LRP6: variants seen among roughly 807,000 people sequenced by gnomAD.
LRP6 encodes the protein LDL receptor related protein 6.
A neutral mutation model predicts 184.1 loss-of-function variants in LRP6; 43 were observed. That is an observed-to-expected ratio of 0.23 (90% CI 0.18 to 0.30). LRP6 has a LOEUF of 0.30. Ranked by LOEUF, LRP6 falls within the 10% of genes least tolerant of loss-of-function variation. The pLI, the probability that LRP6 is intolerant of heterozygous loss-of-function variation, is 1.00. For synonymous variants in LRP6, 719 were observed against 684.9 expected (o/e 1.05, Z -0.78); for missense variants, 1,571 against 2,005.3 (o/e 0.78, Z 4.14).
rs371926922 is a variant in LRP6 at position 12,171,341 on chromosome 12, T to C, written c.1546-6046A>G. 1.1e-3 allele frequency among the ~76,000 whole-genome samples: 170 copies of C among 151,902 alleles called. 1 individual carries two copies. The highest frequency in any genetic ancestry group is 3.9e-3 in the Admixed American group (59 of 15,230). On this transcript the variant is annotated intron_variant, in intron 7 of 22. Transcript: ENST00000261349. Reference sequence around the variant, plus strand: ...ACCATCCTGGCTAACATGGTGAAACTCCATCTCTACTAAAAACACACACAC... The same window carrying C: ...ACCATCCTGGCTAACATGGTGAAACCCCATCTCTACTAAAAACACACACAC...
chr12:12,266,201 A>C (rs537843626), intron 1 of LRP6, among the ~76,000 whole-genome samples: 22 of 152,298 alleles, frequency 1.4e-4, no homozygotes, highest in South Asian at 6.2e-4. Context: ...CAAGGCCTGG[A>C]AAAAATAGCA....
Position 12,121,387 on chromosome 12 carries a change from G to A in LRP6, c.4581C>T (p.Pro1527=). The change falls in exon 23 of 23, where the codon CCC becomes CCT. Residue 1527 remains proline (P), a synonymous_variant. Coordinates refer to ENST00000261349, the MANE Select transcript of LRP6 (RefSeq NM_002336.3). The stretch of plus-strand genomic sequence containing the variant: ...CATCTGTGCTGCAGGGTGTGGTGGG[G>A]GGTGCAAAGTGCCGGTAGCTATATG... The part of the protein sequence containing the change: ...YRPYSYRHFA[P]PTTPCSTDVC... The A allele has an allele frequency of 6.2e-7, 1 of 1,614,136 alleles. No homozygotes were observed.
intron 2 of LRP6, among the ~76,000 whole-genome samples, chr12:12,232,527 C>T (rs558328168): frequency 1.5e-4 from 22 of 149,422 alleles, no homozygotes; most frequent in African/African-American, 5.1e-4. Flanking sequence ...TGTTCACAGT[C>T]CAAAACTATA....
At chr12:12,257,003 C>A (rs536980626) in intron 1 of LRP6, among the ~76,000 whole-genome samples, 1 of 152,058 alleles carries the variant, frequency 6.6e-6, no homozygotes, top group African/African-American at 2.4e-5. Flanking sequence ...GTGATAGAAG[C>A]TAGACACAAA....
intron 15 of LRP6, among the ~76,000 whole-genome samples, chr12:12,140,947 C>T (rs1190883817): frequency 6.6e-6 from 1 of 152,062 alleles, no homozygotes; most frequent in Non-Finnish European, 1.5e-5. Flanking sequence ...ATATCAAATC[C>T]AGCAATAAAT....
intron 2 of LRP6, among the ~76,000 whole-genome samples, chr12:12,224,584 C>T (rs1327145900): frequency 2.0e-5 from 3 of 152,284 alleles, no homozygotes; most frequent in Non-Finnish European, 4.4e-5. Context: ...TTCTCTAACA[C>T]TTATGTGTCT....
At chr12:12,245,195 A>G (rs1348788969) in intron 1 of LRP6, among the ~76,000 whole-genome samples, 2 of 152,354 alleles carry the variant, frequency 1.3e-5, no homozygotes, top group Non-Finnish European at 2.9e-5. Context: ...GAATCAACCC[A>G]AATGTCATCA....
At chr12:12,171,404 C>G (rs1211189379) in intron 7 of LRP6, among the ~76,000 whole-genome samples, 1 of 151,914 alleles carries the variant, frequency 6.6e-6, no homozygotes, top group East Asian at 1.9e-4. Context: ...TGCCCGTAGT[C>G]CCAGCTACTC....
intron 2 of LRP6, among the ~76,000 whole-genome samples, chr12:12,212,414 CATA>C (rs1864236224): frequency 6.6e-6 from 1 of 152,174 alleles, no homozygotes; most frequent in East Asian, 1.9e-4. Flanking sequence ...GAGCCTGTCA[CATA>C]ATATTTCTAC....
At chr12:12,204,686 G>A (rs1864006345) in intron 2 of LRP6, among the ~76,000 whole-genome samples, 1 of 151,952 alleles carries the variant, frequency 6.6e-6, no homozygotes, top group Non-Finnish European at 1.5e-5. Flanking sequence ...ACTTTGGGAG[G>A]TCGAGGCACC....
rs750827805 is a variant in LRP6, at chr12:12,149,162, A to G, written c.2995-9T>C. 5 of 1,611,500 alleles carry G rather than the reference A, an allele frequency of 3.1e-6. No individual in the cohort carries two copies. Among genetic ancestry groups the G allele is most frequent in the Admixed American group, 1.7e-5 (1 of 60,028 alleles). On this transcript the variant is annotated splice_polypyrimidine_tract_variant and intron_variant, in intron 13 of 22. Coordinates refer to ENST00000261349, the MANE Select transcript of LRP6 (RefSeq NM_002336.3). ...ACAACCACAGTAAAGCCCTAGGGAA[A>G]AAAAGAAATACAGAGAAAATTAAAC...
chr12:12,122,047 A>G (rs1202389960), intron 22 of LRP6, among the ~76,000 whole-genome samples: 1 of 152,210 alleles, frequency 6.6e-6, no homozygotes, highest in African/African-American at 2.4e-5. Context: ...AGTACCTCTC[A>G]TAAGAGCAGC....
At chr12:12,262,514 C>CG (rs961126284) in intron 1 of LRP6, among the ~76,000 whole-genome samples, 55 of 149,578 alleles carry the variant, frequency 3.7e-4, no homozygotes, top group African/African-American at 1.1e-3. Context: ...GCCAAGATCG[C>CG]GGCACTGCAC....
At chr12:12,254,989 G>A (rs150632032) in intron 1 of LRP6, among the ~76,000 whole-genome samples, 6 of 152,208 alleles carry the variant, frequency 3.9e-5, no homozygotes, top group African/African-American at 1.4e-4. Flanking sequence ...CTTTCAGCAA[G>A]GCAATATTAA....
intron 2 of LRP6, among the ~76,000 whole-genome samples, chr12:12,227,061 T>G (rs1011791458): frequency 6.6e-6 from 1 of 152,106 alleles, no homozygotes; most frequent in African/African-American, 2.4e-5. Flanking sequence ...ACACCTTACT[T>G]GTAGAAGAGC....
In LRP6 at chr12:12,150,856, C is replaced by T. The variant is rs1183514695; in HGVS notation, c.2974G>A (p.Ala992Thr). ...ATTACCTGGCTGCCATCTTCTTGTG[C>T]CTTTCGGATCATGTTTTGTCGTGAG... Reference protein sequence around the residue: ...IDSRQNMIRKAQEDGSQGFTV... With the variant: ...IDSRQNMIRKTQEDGSQGFTV... The change falls in exon 13 of 23, where the codon GCA (alanine) becomes ACA (threonine). Residue 992 changes from alanine (A) to threonine (T), a missense_variant. Transcript: ENST00000261349. The T allele has an allele frequency of 1.9e-6, 3 of 1,613,834 alleles. No homozygotes were observed. The highest frequency in any genetic ancestry group is 1.3e-5 in the African/African-American group (1 of 75,028).
chr12:12,207,755 A>G (rs993805430), intron 2 of LRP6, among the ~76,000 whole-genome samples: 1 of 152,148 alleles, frequency 6.6e-6, no homozygotes, highest in Non-Finnish European at 1.5e-5. Flanking sequence ...CTTGCAAGCT[A>G]GTCTCTGGCT....
chr12:12,249,319 TG>T, intron 1 of LRP6: 1 of 1,147,142 alleles, frequency 8.7e-7, no homozygotes. Context: ...GCTAGCAAAA[TG>T]GCAGAATTCA....
chr12:12,156,091 A>G (rs1950148859), intron 12 of LRP6, among the ~76,000 whole-genome samples: 2 of 152,210 alleles, frequency 1.3e-5, no homozygotes, highest in East Asian at 1.9e-4. Flanking sequence ...TATAAATTAC[A>G]TAATACATAA....
Sources: allele counts gnomAD v4.1 joint callset (sites outside exome capture counted in the v4.1 genomes callset), GRCh38; gene constraint gnomAD v4.1.1; transcripts MANE v1.5; gene names NCBI Gene and HGNC (gene_info 2026-07-23, HGNC 2026-07-21).